The following JAML variants were observed in gnomAD, a reference collection of about 807,000 sequenced individuals.
The protein encoded by JAML is junctional adhesion molecule-like.
JAML carries 25 observed loss-of-function variants against 39.3 expected under a neutral mutation model. The observed-to-expected ratio is 0.64, with a 90% CI of 0.46 to 0.89. The LOEUF is 0.89. Ranked by LOEUF, JAML falls within the 40% of genes least tolerant of loss-of-function variation. The pLI, the probability that JAML is intolerant of heterozygous loss-of-function variation, is 0.00. For synonymous variants in JAML, 162 were observed against 179.2 expected, an observed-to-expected ratio of 0.90 and a Z score of 0.77; for missense variants, 440 against 486.9, an observed-to-expected ratio of 0.90 and a Z score of 0.91.
rs754695490 is a variant in JAML at position 118,210,494 on chromosome 11, C to G, written c.417G>C (p.Glu139Asp). ...AAGTAAGCATTTGCGTACCTTTGGG[C>G]TCCTCTGGAAGCACATGCAGTACCA... Reference protein sequence around the residue: ...KAVVLHVLPEEPKELMVHVGG... With the variant: ...KAVVLHVLPEDPKELMVHVGG... The change falls in exon 4 of 10, where the codon GAG (glutamate) becomes GAC (aspartate). Residue 139 changes from glutamate to aspartate, a missense_variant. By Grantham distance (45) the Glu-to-Asp change is conservative. Coordinates refer to ENST00000356289, the MANE Select transcript of JAML (RefSeq NM_001098526.2). 1.2e-6 allele frequency: 2 copies of G among 1,613,770 alleles called. No homozygotes were observed. The highest frequency in any genetic ancestry group is 1.3e-5 in the African/African-American group (1 of 74,922).
intron 2 of JAML, among the ~76,000 whole-genome samples, chr11:118,214,158 G>C (rs966833365): frequency 2.0e-5 from 3 of 152,156 alleles, no homozygotes; most frequent in Non-Finnish European, 4.4e-5. Flanking sequence ...AAAGAAAAAG[G>C]CATGGGGGAA....
Position 118,200,519 on chromosome 11 carries a change from A to G in JAML, c.866T>C (p.Leu289Pro). The G allele has an allele frequency of 1.9e-6, 3 of 1,614,104 alleles. No individual in the cohort carries two copies. The highest frequency in any genetic ancestry group is 1.6e-4 in the Middle Eastern group (1 of 6,062). Reference sequence around the variant, plus strand: ...CTTCACGATCAATATCAGAACAGGGAGCAGCAGGATTGTGGCACAGACAAT... The same window carrying G: ...CTTCACGATCAATATCAGAACAGGGGGCAGCAGGATTGTGGCACAGACAAT... ...VGIVCATILL[L>P]PVLILIVKKT... Residue 289 changes from leucine to proline, a missense_variant, in exon 7 of 10, where the codon CTC (leucine) becomes CCC (proline). Transcript: ENST00000356289.
At chr11:118,209,847 T>A (rs1210965898) in intron 4 of JAML, among the ~76,000 whole-genome samples, 1 of 151,860 alleles carries the variant, frequency 6.6e-6, no homozygotes, top group Non-Finnish European at 1.5e-5. Flanking sequence ...ACTTTTTCTT[T>A]TTTTTTCTTT....
At chr11:118,197,144 G>T (rs1948674803) in intron 8 of JAML, 3 of 278,266 alleles carry the variant, frequency 1.1e-5, no homozygotes, top group Admixed American at 1.0e-4. Context: ...TCTAATTACA[G>T]TAAAGGCAGA....
intron 4 of JAML, chr11:118,208,999 T>C (rs1246228563): frequency 8.6e-6 from 2 of 232,874 alleles, no homozygotes; most frequent in Admixed American, 4.0e-5. Context: ...CCAGAACTAC[T>C]TTGGTGCCTC....
chr11:118,206,046 A>C, intron 4 of JAML, 55 bp from the exon 5 acceptor site: 16 of 1,474,908 alleles, frequency 1.1e-5, no homozygotes, highest in Non-Finnish European at 1.4e-5. Context: ...ATAGAAGTCA[A>C]AGAATTTCTA....
intron 6 of JAML, 136 bp downstream of exon 6, chr11:118,203,292 C>A: frequency 1.2e-6 from 1 of 834,512 alleles, no homozygotes; most frequent in Admixed American, 1.8e-5. Context: ...CAGGGTTGTG[C>A]AAGGCCAGAG....
At chr11:118,202,304 A>G (rs1948819011) in intron 6 of JAML, 1 of 152,610 alleles carries the variant, frequency 6.6e-6, no homozygotes, top group Non-Finnish European at 1.5e-5. Flanking sequence ...TCAGGAAAAC[A>G]ATCTTAAGAA....
chr11:118,199,219 A>C (rs1948723435), intron 7 of JAML, among the ~76,000 whole-genome samples: 1 of 152,220 alleles, frequency 6.6e-6, no homozygotes, highest in Admixed American at 6.5e-5. Flanking sequence ...TTTCTTTAGA[A>C]TAAACGACTA....
intron 8 of JAML, 70 bp from the exon 9 acceptor site, chr11:118,196,891 C>T (rs1948669357): frequency 7.5e-7 from 1 of 1,338,518 alleles, no homozygotes; most frequent in Non-Finnish European, 1.1e-6. Context: ...AAAAGGCCAC[C>T]CACTCCTATT....
rs1397047909 is a variant in JAML at position 118,200,597 on chromosome 11, G to C, written c.788C>G (p.Ala263Gly). 2 of 1,614,038 alleles carry C rather than the reference G, an allele frequency of 1.2e-6. No homozygotes were observed. Among genetic ancestry groups the C allele is most frequent in the African/African-American group, 2.7e-5 (2 of 74,910 alleles). Residue 263 changes from alanine to glycine, a missense_variant, in exon 7 of 10, where the codon GCA becomes GGA. Ala to Gly is a moderately conservative substitution (Grantham distance 60, BLOSUM62 0). Transcript: ENST00000356289. ...PEEPRTLVTPAALRPLVLGGN... is the reference protein window; with the variant it reads ...PEEPRTLVTPGALRPLVLGGN... The stretch of plus-strand genomic sequence containing the variant: ...ACCCAAGACCAGAGGCCTCAGGGCT[G>C]CCGGGGTCACCAGTGCTTGGGAAAG...
intron 1 of JAML, among the ~76,000 whole-genome samples, chr11:118,221,279 C>T (rs906919351): frequency 4.0e-5 from 6 of 149,966 alleles, no homozygotes; most frequent in East Asian, 4.0e-4. Context: ...AAACTCCTCC[C>T]GGAAAAAAAC....
At chr11:118,203,111 C>T in intron 6 of JAML, 6 of 520,838 alleles carry the variant, frequency 1.2e-5, no homozygotes, top group South Asian at 6.1e-5. Context: ...CCGATCCTTC[C>T]CTGAGCTTCT....
At chr11:118,217,206 C>T (rs1387911566) in intron 1 of JAML, among the ~76,000 whole-genome samples, 1 of 152,170 alleles carries the variant, frequency 6.6e-6, no homozygotes, top group Non-Finnish European at 1.5e-5. Flanking sequence ...AAATGCCTGG[C>T]ATATACTGGA....
chr11:118,213,337 A>G (rs1398634715), intron 2 of JAML: 1 of 1,006,906 alleles, frequency 9.9e-7, no homozygotes. Context: ...TGCCCAGTTC[A>G]TATCAGAGAA....
intron 3 of JAML, 120 bp downstream of exon 3, chr11:118,212,287 C>T (rs1019839998): frequency 3.9e-6 from 5 of 1,294,896 alleles, no homozygotes; most frequent in Non-Finnish European, 5.2e-6. Flanking sequence ...CTGATAATCT[C>T]CAAAGCCCCG....
rs1948905963 is a variant in JAML at position 118,205,914 on chromosome 11, C to T, written c.502G>A (p.Val168Ile). The T allele has an allele frequency of 1.9e-6, 3 of 1,614,028 alleles. No homozygotes were observed. Among genetic ancestry groups the T allele is most frequent in the Non-Finnish European group, 2.5e-6 (3 of 1,180,002 alleles). Residue 168 changes from valine to isoleucine, a missense_variant, in exon 5 of 10, where the codon GTA becomes ATA. By Grantham distance (29) the Val-to-Ile change is conservative. Coordinates refer to ENST00000356289, the MANE Select transcript of JAML (RefSeq NM_001098526.2). ...QSTEVKHVTK[V>I]EWIFSGRRAK... is the part of the protein sequence containing the mutation. Reference sequence around the variant, plus strand: ...CGCCGTCCTGAAAATATCCATTCTACCTTGGTCACGTGTTTCACTTCTGTG... The same window carrying T: ...CGCCGTCCTGAAAATATCCATTCTATCTTGGTCACGTGTTTCACTTCTGTG...
intron 1 of JAML, among the ~76,000 whole-genome samples, chr11:118,220,735 T>C (rs1231105032): frequency 6.6e-6 from 1 of 152,146 alleles, no homozygotes; most frequent in Non-Finnish European, 1.5e-5. Flanking sequence ...CTAAGGACAC[T>C]CCTCCAGGTA....
rs988833475 is a variant in JAML at position 118,203,207 on chromosome 11, G to A, written c.772+221C>T. The stretch of plus-strand genomic sequence containing the variant: ...CACTAAATTAGCTCCCCTCCCCTTG[G>A]CCTAGCAGCAGGGCCAGAACTAGGG... On this transcript the variant is annotated intron_variant, in intron 6 of 9. Transcript: ENST00000356289. The A allele has an allele frequency of 1.7e-5, 12 of 689,642 alleles. No individual in the cohort carries two copies. The Admixed American group carries it at 1.8e-4, about 10-fold the overall frequency. 42.7% of individuals were successfully genotyped at this position (689,642 alleles called of 1,614,324 possible).
Sources: gnomAD v4.1 joint callset for allele counts (sites outside exome capture counted in the v4.1 genomes callset) on GRCh38, gnomAD v4.1.1 for gene constraint, MANE v1.5 for transcripts, NCBI Gene and HGNC (gene_info 2026-07-23, HGNC 2026-07-21) for gene names.